The following ASAP3 variants were observed in gnomAD, a reference collection of about 807,000 sequenced individuals.
ASAP3 encodes the protein arf-GAP with SH3 domain, ANK repeat and PH domain-containing protein 3.
In ASAP3, 85 loss-of-function variants were observed where a neutral mutation model predicts 118.2. That is an observed-to-expected ratio of 0.72 (90% CI 0.60 to 0.86). The LOEUF (loss-of-function observed/expected upper bound fraction) is 0.86, where lower values mean the gene tolerates loss of function less well. ASAP3 is among the 40% of genes least tolerant of loss of function. ASAP3 has a pLI of 0.00. For missense variants in ASAP3, 1,026 were observed against 1,175.0 expected, an observed-to-expected ratio of 0.87 and a Z score of 1.85; for synonymous variants, 432 against 477.4, an observed-to-expected ratio of 0.90 and a Z score of 1.24.
rs775808354 is a variant in ASAP3, at chr1:23,435,993, A to ACATACTT, written c.1600_1606dup (p.Val536GlufsTer6). On this transcript the variant is annotated frameshift_variant, in exon 17 of 25. Coordinates refer to ENST00000336689, the MANE Select transcript of ASAP3 (RefSeq NM_017707.4). LOFTEE classifies it high-confidence loss of function. ...GCACCGGCGTGCAAACCTATGCTCC[A>ACATACTT]CATACTTGGCCATAATGTAGTCCCT... is the stretch of plus-strand genomic sequence containing the variant. 1 of 1,614,244 alleles carries ACATACTT rather than the reference A, an allele frequency of 6.2e-7. No homozygotes were observed. Among genetic ancestry groups the ACATACTT allele is most frequent in the Non-Finnish European group, 8.5e-7 (1 of 1,180,054 alleles).
chr1:23,440,683 C>T (rs1442456864), intron 10 of ASAP3, among the ~76,000 whole-genome samples: 2 of 150,134 alleles, frequency 1.3e-5, no homozygotes, highest in Non-Finnish European at 1.5e-5. Context: ...AGTGAAACCC[C>T]GTCTCTACTA....
intron 5 of ASAP3, among the ~76,000 whole-genome samples, chr1:23,442,853 C>T (rs938322427): frequency 1.3e-5 from 2 of 152,070 alleles, no homozygotes; most frequent in African/African-American, 2.4e-5. Flanking sequence ...GATCCAACCT[C>T]GTTGGGGCTA....
chr1:23,442,521 A>T lies in ASAP3; in HGVS notation c.565T>A (p.Phe189Ile), dbSNP rs1204613089. Reference sequence around the variant, plus strand: ...CTTACCTCACACATGTGCAGCTGGAAGATGCGCCGCTCTCTCTGCATGTCC... The same window carrying T: ...CTTACCTCACACATGTGCAGCTGGATGATGCGCCGCTCTCTCTGCATGTCC... Reference protein sequence around the residue: ...AQDMQRERRIFQLHMCEYLLK... With the variant: ...AQDMQRERRIIQLHMCEYLLK... The change falls in exon 6 of 25, where the codon TTC (phenylalanine) becomes ATC (isoleucine). Residue 189 changes from phenylalanine (F) to isoleucine (I), a missense_variant. Coordinates refer to ENST00000336689, the MANE Select transcript of ASAP3 (RefSeq NM_017707.4). 1 of 1,614,012 alleles carries T rather than the reference A, an allele frequency of 6.2e-7. No individual in the cohort carries two copies. The highest frequency in any genetic ancestry group is 1.7e-5 in the Admixed American group (1 of 60,014).
rs141945872 is a variant in ASAP3, at chr1:23,464,159, AC to A, written c.130-7966del. On this transcript the variant is annotated intron_variant, in intron 1 of 24. Transcript: ENST00000336689. ...AGACCAGCCTCGGCAACAAAGTGAG[AC>A]CCCCACCCCGATCTATACCAAAAAA... Among the ~76,000 whole-genome samples, 317 of 143,446 alleles carry A rather than the reference AC, an allele frequency of 2.2e-3. 1 individual carries two copies. The highest frequency in any genetic ancestry group is 3.8e-3 in the Non-Finnish European group (250 of 65,412). The allele number at this position is 143,446 out of a possible 152,430, so 94.1% of individuals were successfully genotyped here.
intron 17 of ASAP3, 91 bp downstream of exon 17, chr1:23,435,760 G>C (rs549425624): frequency 7.1e-7 from 1 of 1,411,842 alleles, no homozygotes; most frequent in Non-Finnish European, 1.0e-6. Context: ...TGTCAGAGGT[G>C]GGGTGGAGGG....
rs1383329095 is a variant in ASAP3 at position 23,435,870 on chromosome 1, A to G, written c.1730T>C (p.Leu577Pro). ...FANGQDFGQP[L>P]PGPDAQAPEE... ...TCTCACCTGTGCATCAGGCCCTGGC[A>G]GCGGCTGTCCAAAGTCCTGCCCATT... The change falls in exon 17 of 25, where the codon CTG becomes CCG. Residue 577 changes from leucine to proline, a missense_variant. Coordinates refer to ENST00000336689, the MANE Select transcript of ASAP3 (RefSeq NM_017707.4). 1 of 1,614,148 alleles carries G rather than the reference A, an allele frequency of 6.2e-7. No homozygotes were observed. The highest frequency in any genetic ancestry group is 8.5e-7 in the Non-Finnish European group (1 of 1,180,062).
intron 1 of ASAP3, among the ~76,000 whole-genome samples, chr1:23,483,788 G>A (rs1392462255): frequency 6.6e-6 from 1 of 152,218 alleles, no homozygotes; most frequent in Non-Finnish European, 1.5e-5. Flanking sequence ...TGTCATCGAA[G>A]AGACCTCGAG....
intron 1 of ASAP3, among the ~76,000 whole-genome samples, chr1:23,462,168 C>T (rs967390492): frequency 6.6e-5 from 10 of 151,830 alleles, no homozygotes; most frequent in African/African-American, 1.2e-4. Flanking sequence ...GGACTATAGG[C>T]GCCCGCCACC....
chr1:23,467,768 G>A (rs943839457), intron 1 of ASAP3, among the ~76,000 whole-genome samples: 2 of 151,752 alleles, frequency 1.3e-5, no homozygotes, highest in East Asian at 1.9e-4. Context: ...TGGTCAAGAG[G>A]GTGAAACTCC....
chr1:23,429,933 G>A lies in ASAP3; in HGVS notation c.2638-3C>T. The A allele has an allele frequency of 6.2e-7, 1 of 1,613,330 alleles. No homozygotes were observed. Among genetic ancestry groups the A allele is most frequent in the East Asian group, 2.2e-5 (1 of 44,882 alleles). ...CCATCTCCTTCAGTGATGCCAACCT[G>A]CAGAAAGAAGGATGAAACTGACATT... On this transcript the variant is annotated splice_region_variant and splice_polypyrimidine_tract_variant and intron_variant, in intron 24 of 24. Coordinates refer to ENST00000336689, the MANE Select transcript of ASAP3 (RefSeq NM_017707.4).
chr1:23,480,838 A>C lies in ASAP3; in HGVS notation c.129+3167T>G, dbSNP rs141227752. 1.6e-3 allele frequency among the ~76,000 whole-genome samples: 251 copies of C among 152,320 alleles called. 3 individuals are homozygous for C. The highest frequency in any genetic ancestry group is 5.6e-3 in the African/African-American group (232 of 41,584). On this transcript the variant is annotated intron_variant, in intron 1 of 24. Coordinates refer to ENST00000336689, the MANE Select transcript of ASAP3 (RefSeq NM_017707.4). ...TGATGGGCATAAAGGGGCCCAAGAC[A>C]GGAAGAGGCTGGTTGACGTAATGAC...
In ASAP3 at chr1:23,436,570, C is replaced by T; in HGVS notation, c.1561G>A (p.Glu521Lys). Residue 521 changes from glutamate (E) to lysine (K), a missense_variant, in exon 16 of 25, where the codon GAG becomes AAG. Coordinates refer to ENST00000336689, the MANE Select transcript of ASAP3 (RefSeq NM_017707.4). This position sits in a 1 kb window ranked among gnomAD's most constrained non-coding sequence, Gnocchi z 4.2. Reference sequence around the variant, plus strand: ...TGAGAATCCCCTTACATGTCACTCTCAGCTGAGGGTTTAGGGCCGCCGTGT... The same window carrying T: ...TGAGAATCCCCTTACATGTCACTCTTAGCTGAGGGTTTAGGGCCGCCGTGT... ...PSHGGPKPSA[E>K]SDMGTRRDYI... The T allele has an allele frequency of 6.2e-7, 1 of 1,614,246 alleles. No individual in the cohort carries two copies. The highest frequency in any genetic ancestry group is 8.5e-7 in the Non-Finnish European group (1 of 1,180,034).
chr1:23,473,509 G>A (rs1642024250), intron 1 of ASAP3, among the ~76,000 whole-genome samples: 1 of 152,104 alleles, frequency 6.6e-6, no homozygotes, highest in South Asian at 2.1e-4. Flanking sequence ...CAAGTTCTAG[G>A]CCCATCGAAG....
intron 19 of ASAP3, 132 bp from the exon 20 acceptor site, chr1:23,433,825 A>G (rs1640535460): frequency 2.6e-6 from 3 of 1,161,788 alleles, no homozygotes; most frequent in Non-Finnish European, 3.7e-6. Flanking sequence ...CTATGTGACC[A>G]TAGGCAAGTT....
intron 1 of ASAP3, among the ~76,000 whole-genome samples, chr1:23,470,135 T>C (rs1357462089): frequency 1.3e-5 from 2 of 152,098 alleles, no homozygotes; most frequent in Non-Finnish European, 2.9e-5. Context: ...CTGAGCGAGT[T>C]CCTTCCTCCT....
intron 18 of ASAP3, 29 bp downstream of exon 18, chr1:23,434,504 G>A: frequency 6.2e-7 from 1 of 1,612,642 alleles, no homozygotes; most frequent in South Asian, 1.1e-5. Flanking sequence ...AGTGTGAGGA[G>A]CCAGACAGAC....
chr1:23,431,344 C>T (rs1263151595), intron 23 of ASAP3, among the ~76,000 whole-genome samples: 2 of 152,220 alleles, frequency 1.3e-5, no homozygotes, highest in African/African-American at 2.4e-5. Context: ...AAACTCCAGA[C>T]TGAATGGGTT....
rs893479631 is a variant in ASAP3 at position 23,429,679 on chromosome 1, C to T, written c.*177G>A. 3.3e-5 allele frequency: 20 copies of T among 599,284 alleles called. No individual in the cohort carries two copies. The African/African-American group carries it at 3.6e-4, about 11-fold the overall frequency. The allele number at this position is 599,284 out of a possible 1,614,324, so 37.1% of individuals were successfully genotyped here. On this transcript the variant is annotated 3_prime_UTR_variant, in exon 25 of 25. Transcript: ENST00000336689. ...GCCATCAGTCCTAACAGGGAAAGGC[C>T]ATGTGTCCTTGGTAGAGGCATGGCC...
chr1:23,439,144 C>A lies in ASAP3; in HGVS notation c.1014+17G>T, dbSNP rs780774562. ...GGTCCATCGTGCCCTGAGACTCCCA[C>A]CACCTCTAGGCCTCACCGTGCTGTG... On this transcript the variant is annotated intron_variant, in intron 11 of 24. Coordinates refer to ENST00000336689, the MANE Select transcript of ASAP3 (RefSeq NM_017707.4). 1.9e-6 allele frequency: 3 copies of A among 1,613,810 alleles called. No homozygotes were observed. Among genetic ancestry groups the A allele is most frequent in the Non-Finnish European group, 2.5e-6 (3 of 1,179,738 alleles).
Sources: allele counts gnomAD v4.1 joint callset (sites outside exome capture counted in the v4.1 genomes callset), GRCh38; gene constraint gnomAD v4.1.1; non-coding constraint Gnocchi (gnomAD v3.1); transcripts MANE v1.5; gene names NCBI Gene and HGNC (gene_info 2026-07-23, HGNC 2026-07-21).